DLG2: variants seen among roughly 807,000 people sequenced by gnomAD.
DLG2 encodes disks large homolog 2.
Under a neutral mutation model 132.5 loss-of-function variants are expected in DLG2, and 45 were observed. The observed-to-expected ratio is 0.34, with a 90% confidence interval of 0.27 to 0.44. The LOEUF (loss-of-function observed/expected upper bound fraction) is 0.44, where lower values mean the gene tolerates loss of function less well. Among genes scored for constraint, DLG2 ranks in the 20% least tolerant of loss-of-function variants. The pLI, the probability that DLG2 is intolerant of heterozygous loss-of-function variation, is 1.00. For synonymous variants in DLG2, 424 were observed against 419.6 expected, an observed-to-expected ratio of 1.01 and a Z score of -0.13; for missense variants, 1,045 against 1,196.9, an observed-to-expected ratio of 0.87 and a Z score of 1.87.
At chr11:84,243,017 C>CTCTCTCTCTCTCTCTCTCTCTCTATA (rs542476924) in intron 8 of DLG2, among the ~76,000 whole-genome samples, 4 of 142,140 alleles carry the variant, frequency 2.8e-5, no homozygotes, top group Non-Finnish European at 1.5e-5. Flanking sequence ...CTCTCTCTCT[C>CTCTCTCTCTCTCTCTCTCTCTCTATA]TATATATATA....
At chr11:83,758,866 C>A (rs2093769115) in intron 18 of DLG2, among the ~76,000 whole-genome samples, 1 of 151,878 alleles carries the variant, frequency 6.6e-6, no homozygotes, top group Non-Finnish European at 1.5e-5. Flanking sequence ...AGGATATTTA[C>A]CATTTTGTAA....
At chr11:84,796,554 C>T (rs1015258097) in intron 6 of DLG2, among the ~76,000 whole-genome samples, 2 of 152,154 alleles carry the variant, frequency 1.3e-5, no homozygotes, top group African/African-American at 2.4e-5. Flanking sequence ...TGAAGAACTC[C>T]CTTTAGCATT....
intron 6 of DLG2, among the ~76,000 whole-genome samples, chr11:85,068,024 C>T (rs2065197329): frequency 6.6e-6 from 1 of 152,068 alleles, no homozygotes; most frequent in African/African-American, 2.4e-5. Flanking sequence ...CGTAACCCAG[C>T]ATATAAACAG....
At chr11:84,251,321 T>A in intron 7 of DLG2, 30 bp from the exon 8 acceptor site, 1 of 1,468,992 alleles carries the variant, frequency 6.8e-7, no homozygotes, top group East Asian at 2.4e-5. Flanking sequence ...AAAAATTAAA[T>A]AATGAATAGT....
At chr11:83,580,406 G>C (rs888090896) in intron 19 of DLG2, among the ~76,000 whole-genome samples, 13 of 151,840 alleles carry the variant, frequency 8.6e-5, no homozygotes, top group Non-Finnish European at 1.6e-4. Flanking sequence ...CTAGGCACTA[G>C]GGCTAACAAA....
At chr11:84,435,309 A>G (rs536417845) in intron 7 of DLG2, among the ~76,000 whole-genome samples, 213 of 152,326 alleles carry the variant, frequency 1.4e-3, no homozygotes, top group African/African-American at 4.8e-3. Context: ...CTATGTTATA[A>G]AATTAGGTAT....
At chr11:85,424,105 A>G (rs1415928015) in intron 3 of DLG2, among the ~76,000 whole-genome samples, 1 of 152,046 alleles carries the variant, frequency 6.6e-6, no homozygotes, top group African/African-American at 2.4e-5. Context: ...TTCGTCTACC[A>G]CTGTATTTTG....
intron 16 of DLG2, 64 bp from the exon 17 acceptor site, chr11:83,833,834 C>G (rs1257565161): frequency 6.5e-7 from 1 of 1,535,726 alleles, no homozygotes; most frequent in Non-Finnish European, 8.8e-7. Flanking sequence ...GTTGCTTTTA[C>G]TTTCAATGGG....
chr11:84,329,351 T>A (rs1030019292), intron 7 of DLG2, among the ~76,000 whole-genome samples: 2 of 152,172 alleles, frequency 1.3e-5, no homozygotes, highest in African/African-American at 2.4e-5. Context: ...GTTCCCATAA[T>A]CCTCACATGT....
chr11:85,131,757 TG>T (rs2075727691), intron 5 of DLG2, among the ~76,000 whole-genome samples: 2 of 152,094 alleles, frequency 1.3e-5, no homozygotes, highest in South Asian at 4.1e-4. Context: ...GGTCATACTA[TG>T]GGGAACTTGG....
At chr11:85,625,860 T>A (rs17148255) in intron 2 of DLG2, among the ~76,000 whole-genome samples, 7,335 of 152,286 alleles carry the variant, frequency 0.048, 564 homozygotes, top group African/African-American at 0.17. Context: ...TGGAACAAAG[T>A]TAACCTGGGG....
intron 3 of DLG2, among the ~76,000 whole-genome samples, chr11:85,492,729 C>T (rs778753644): frequency 5.5e-5 from 8 of 145,648 alleles, no homozygotes; most frequent in South Asian, 2.2e-4. Flanking sequence ...ATATAGGTTA[C>T]ATGGCACACT....
intron 7 of DLG2, among the ~76,000 whole-genome samples, chr11:84,255,842 A>C (rs148259485): frequency 4.6e-4 from 70 of 151,698 alleles, no homozygotes; most frequent in African/African-American, 1.6e-3. Flanking sequence ...AGGGATGAAG[A>C]AAAAAAAATT....
chr11:83,503,408 T>C (rs199982404), intron 21 of DLG2, among the ~76,000 whole-genome samples: 1 of 71,186 alleles, frequency 1.4e-5, no homozygotes, highest in Non-Finnish European at 2.9e-5. Context: ...TATATATATA[T>C]ATATATATAT....
chr11:83,798,539 A>T (rs2043448654), intron 17 of DLG2, among the ~76,000 whole-genome samples: 1 of 152,220 alleles, frequency 6.6e-6, no homozygotes, highest in South Asian at 2.1e-4. Context: ...TAACAGAATT[A>T]TTAACTGTGA....
At chr11:85,316,017 A>C (rs764344753) in intron 3 of DLG2, among the ~76,000 whole-genome samples, 1 of 151,970 alleles carries the variant, frequency 6.6e-6, no homozygotes, top group Non-Finnish European at 1.5e-5. Flanking sequence ...TTTGACCCCA[A>C]TTCATAACAG....
intron 21 of DLG2, chr11:83,486,026 G>A (rs2093478316): frequency 2.4e-6 from 1 of 414,602 alleles, no homozygotes; most frequent in Admixed American, 4.3e-5. Context: ...ATTCTCAGAG[G>A]GAAAAGAGGT....
intron 7 of DLG2, among the ~76,000 whole-genome samples, chr11:84,371,789 T>C (rs181515298): frequency 3.6e-4 from 55 of 152,322 alleles, no homozygotes; most frequent in African/African-American, 1.2e-3. Flanking sequence ...TTTGTAAACG[T>C]ACTTTAAATT....
chr11:83,842,595 G>A lies in DLG2; in HGVS notation c.1566-8825C>T, dbSNP rs564948919. 2.4e-3 allele frequency among the ~76,000 whole-genome samples: 361 copies of A among 149,028 alleles called. 2 individuals carry two copies. Among genetic ancestry groups the A allele is most frequent in the Middle Eastern group, 7.1e-3 (2 of 282 alleles). On this transcript the variant is annotated intron_variant, in intron 16 of 27. Coordinates refer to ENST00000376104, the MANE Select transcript of DLG2 (RefSeq NM_001142699.3). ...TGTAGTCCCAGCACTTTGGGAGGCC[G>A]AGGCGGGTGGATCACGAGGTCAGGA...
Sources: gnomAD v4.1 joint callset for allele counts (sites outside exome capture counted in the v4.1 genomes callset) on GRCh38, gnomAD v4.1.1 for gene constraint, MANE v1.5 for transcripts, NCBI Gene and HGNC (gene_info 2026-07-23, HGNC 2026-07-21) for gene names.